Variants in MAD1L1 observed in about 807,000 individuals in gnomAD.
MAD1L1 encodes mitotic arrest deficient 1 like 1.
Under a neutral mutation model 96.9 loss-of-function variants are expected in MAD1L1, and 95 were observed. The ratio of observed to expected loss-of-function variants is 0.98; its 90% CI spans 0.83 to 1.16. MAD1L1 has a LOEUF of 1.16. Among genes scored for constraint, MAD1L1 ranks in the 50% most tolerant of loss-of-function variants. The pLI is 0.00. For synonymous variants in MAD1L1, 473 were observed against 396.6 expected (o/e 1.19, Z -2.29); for missense variants, 1,007 against 954.4 (o/e 1.06, Z -0.73).
chr7:1,904,922 C>T (rs1201424107), intron 17 of MAD1L1, among the ~76,000 whole-genome samples: 1 of 89,686 alleles, frequency 1.1e-5, no homozygotes, highest in African/African-American at 4.4e-5. Context: ...CTATGGAAGA[C>T]GTTCTTGTGG....
chr7:2,034,044 C>A (rs1054845572), intron 12 of MAD1L1, among the ~76,000 whole-genome samples: 1 of 152,124 alleles, frequency 6.6e-6, no homozygotes, highest in African/African-American at 2.4e-5. Context: ...TGCAGTGAGC[C>A]AAGATGGCGC....
intron 18 of MAD1L1, among the ~76,000 whole-genome samples, chr7:1,819,415 G>A (rs1583465314): frequency 6.6e-6 from 1 of 152,194 alleles, no homozygotes; most frequent in South Asian, 2.1e-4. Flanking sequence ...AGACACTCGC[G>A]GCGTCCATTG....
At chr7:1,997,540 G>T (rs573601549) in intron 14 of MAD1L1, among the ~76,000 whole-genome samples, 1 of 152,392 alleles carries the variant, frequency 6.6e-6, no homozygotes, top group East Asian at 1.9e-4. Context: ...TCCCGCTCAG[G>T]TTCCTCCACC....
chr7:2,171,250 G>A (rs191786476), intron 10 of MAD1L1, among the ~76,000 whole-genome samples: 1 of 152,352 alleles, frequency 6.6e-6, no homozygotes, highest in East Asian at 1.9e-4. Flanking sequence ...ATGAAAACAT[G>A]GGTGCAGTTC....
chr7:1,880,536 C>T (rs971784856), intron 18 of MAD1L1, among the ~76,000 whole-genome samples: 1 of 152,234 alleles, frequency 6.6e-6, no homozygotes, highest in Non-Finnish European at 1.5e-5. Flanking sequence ...CCTTTCCCCG[C>T]TCACTACAAA....
intron 18 of MAD1L1, among the ~76,000 whole-genome samples, chr7:1,866,451 G>A (rs1335808068): frequency 1.2e-5 from 1 of 85,228 alleles, no homozygotes; most frequent in Non-Finnish European, 2.2e-5. Context: ...AGGAACAAAG[G>A]GCTGAAGCAA....
intron 11 of MAD1L1, among the ~76,000 whole-genome samples, chr7:2,083,848 TGTGA>T (rs1391364989): frequency 2.0e-5 from 3 of 152,330 alleles, no homozygotes; most frequent in South Asian, 2.1e-4. Context: ...GGTTGGTCAC[TGTGA>T]GTGTCTGCTG....
At chr7:2,116,120 C>G (rs1362218166) in intron 11 of MAD1L1, among the ~76,000 whole-genome samples, 1 of 152,234 alleles carries the variant, frequency 6.6e-6, no homozygotes, top group Non-Finnish European at 1.5e-5. Context: ...AGGGCGTGAG[C>G]AGGACCTCAC....
chr7:1,935,960 G>C (rs1188619822), intron 17 of MAD1L1, among the ~76,000 whole-genome samples: 1 of 152,250 alleles, frequency 6.6e-6, no homozygotes, highest in African/African-American at 2.4e-5. Context: ...CCCAGAACCA[G>C]GAGCGTGGGG....
chr7:1,975,259 C>T (rs1190398471), intron 15 of MAD1L1, among the ~76,000 whole-genome samples: 1 of 152,242 alleles, frequency 6.6e-6, no homozygotes, highest in Non-Finnish European at 1.5e-5. Context: ...AGTCCATCAC[C>T]AGGCCCCCTC....
chr7:1,896,063 G>A (rs1430053062), intron 18 of MAD1L1, among the ~76,000 whole-genome samples: 1 of 152,238 alleles, frequency 6.6e-6, no homozygotes, highest in Non-Finnish European at 1.5e-5. Context: ...CGTACGCTGT[G>A]TGTCCTTTAG....
intron 16 of MAD1L1, among the ~76,000 whole-genome samples, chr7:1,941,166 G>GT (rs1385653255): frequency 5.3e-5 from 8 of 152,232 alleles, no homozygotes; most frequent in African/African-American, 1.9e-4. Context: ...GGGGTCAGCG[G>GT]TGGTGCGCCC....
At chr7:2,074,831 G>A (rs1051699330) in intron 11 of MAD1L1, among the ~76,000 whole-genome samples, 12 of 152,210 alleles carry the variant, frequency 7.9e-5, no homozygotes, top group Non-Finnish European at 1.6e-4. Flanking sequence ...AGGGGAAACC[G>A]GAGGCTGGGG....
Position 1,983,150 on chromosome 7 carries a change from GCGCGCACACACACA to G in MAD1L1, c.1417-2623_1417-2610del, listed in dbSNP as rs1366551775. Among the ~76,000 whole-genome samples, 568 of 93,262 alleles carry G rather than the reference GCGCGCACACACACA, an allele frequency of 6.1e-3. 2 individuals are homozygous for G. The highest frequency in any genetic ancestry group is 0.017 in the African/African-American group (424 of 24,698). 61.2% of individuals were successfully genotyped at this position (93,262 alleles called of 152,430 possible). A position where few individuals can be genotyped will look rare whatever the true frequency, so the allele number is the denominator to read the frequency against. ...CCCACAGACGCGCGCGCGCGCGCGCGCGCGCACACACACACACACACACACACACACACACACAG... is the reference window on the plus strand; with the variant it reads ...CCCACAGACGCGCGCGCGCGCGCGCGCACACACACACACACACACACACAG... On this transcript the variant is annotated intron_variant, in intron 14 of 18. Transcript: ENST00000265854.
chr7:1,877,755 TCAGACTTCAGAACA>T (rs1375410746), intron 18 of MAD1L1, among the ~76,000 whole-genome samples: 1 of 152,096 alleles, frequency 6.6e-6, no homozygotes, highest in Non-Finnish European at 1.5e-5. Context: ...ATTACTCAAG[TCAGACTTCAGAACA>T]AGAATATTTA....
chr7:1,850,953 C>A (rs547320778), intron 18 of MAD1L1, among the ~76,000 whole-genome samples: 1 of 152,288 alleles, frequency 6.6e-6, no homozygotes, highest in South Asian at 2.1e-4. Flanking sequence ...GGAAGAGACA[C>A]GAGAAGGGCC....
chr7:1,993,310 G>A (rs1029851484), intron 14 of MAD1L1, among the ~76,000 whole-genome samples: 1 of 152,206 alleles, frequency 6.6e-6, no homozygotes, highest in Non-Finnish European at 1.5e-5. Context: ...CAGGGCTTCT[G>A]GGGGAGCCAC....
chr7:2,162,987 A>ATCTTTCAC (rs1043446972), intron 10 of MAD1L1, among the ~76,000 whole-genome samples: 5 of 151,990 alleles, frequency 3.3e-5, no homozygotes, highest in Non-Finnish European at 7.4e-5. Context: ...TTTCCTCATA[A>ATCTTTCAC]TCTTTCACTA....
chr7:1,954,346 G>A (rs1779632854), intron 16 of MAD1L1, among the ~76,000 whole-genome samples: 1 of 152,104 alleles, frequency 6.6e-6, no homozygotes, highest in South Asian at 2.1e-4. Context: ...CAGAGCTGTG[G>A]CCCACCCCAG....
Sources: allele counts gnomAD v4.1 joint callset (sites outside exome capture counted in the v4.1 genomes callset), GRCh38; gene constraint gnomAD v4.1.1; transcripts MANE v1.5; gene names NCBI Gene and HGNC (gene_info 2026-07-23, HGNC 2026-07-21).